GRIA4: variants seen among roughly 807,000 people sequenced by gnomAD.
GRIA4 encodes glutamate ionotropic receptor AMPA type subunit 4, also known as glutamate receptor 4.
A neutral mutation model predicts 104.0 loss-of-function variants in GRIA4; 34 were observed. The observed-to-expected ratio is 0.33, with a 90% CI of 0.25 to 0.44. GRIA4 has a LOEUF of 0.44. Among genes scored for constraint, GRIA4 ranks in the 20% least tolerant of loss-of-function variants. The pLI, the probability that GRIA4 is intolerant of heterozygous loss-of-function variation, is 1.00. For missense variants in GRIA4, 750 were observed against 1,096.5 expected (o/e 0.68, Z 4.46); for synonymous variants, 386 against 381.9 (o/e 1.01, Z -0.13).
chr11:105,958,258 T>C (rs1948641749), intron 14 of GRIA4, among the ~76,000 whole-genome samples: 1 of 152,198 alleles, frequency 6.6e-6, no homozygotes, highest in Admixed American at 6.5e-5. Context: ...TTGTCATAAA[T>C]AGCTCTTATT....
chr11:105,979,507 A>G (rs1171952454), intron 16 of GRIA4, 68 bp from the exon 17 acceptor site: 2 of 1,344,832 alleles, frequency 1.5e-6, no homozygotes, highest in African/African-American at 2.9e-5. Context: ...GTTGTGGAAC[A>G]TATTGTTGAA....
At chr11:105,640,531 C>T (rs1416871959) in intron 3 of GRIA4, among the ~76,000 whole-genome samples, 2 of 151,786 alleles carry the variant, frequency 1.3e-5, no homozygotes, top group Admixed American at 1.3e-4. Flanking sequence ...TAGGCATTTT[C>T]CCATTGGATA....
At chr11:105,822,981 C>A (rs1943632501) in intron 4 of GRIA4, among the ~76,000 whole-genome samples, 1 of 152,006 alleles carries the variant, frequency 6.6e-6, no homozygotes, top group Non-Finnish European at 1.5e-5. Context: ...GTACTGAGTT[C>A]TTTTCAGTAT....
At chr11:105,704,584 G>T (rs1415432302) in intron 3 of GRIA4, among the ~76,000 whole-genome samples, 1 of 152,050 alleles carries the variant, frequency 6.6e-6, no homozygotes, top group South Asian at 2.1e-4. Flanking sequence ...GGACAAATTT[G>T]CATTTTTAAA....
chr11:105,835,287 T>C (rs1364341050), intron 4 of GRIA4, among the ~76,000 whole-genome samples: 1 of 152,038 alleles, frequency 6.6e-6, no homozygotes, highest in African/African-American at 2.4e-5. Flanking sequence ...ATTTGACTTA[T>C]ACGTGAGTGG....
rs1292794911 is a variant in GRIA4, at chr11:105,926,759, T to C, written c.1866T>C (p.Ile622=). The C allele has an allele frequency of 6.2e-7, 1 of 1,605,576 alleles. No homozygotes were observed. The highest frequency in any genetic ancestry group is 8.5e-7 in the Non-Finnish European group (1 of 1,172,570). ...DISPRSLSGR[I]VGGVWWFFTL... ...TGTTTAGATCCCTCTCAGGTCGAAT[T>C]GTTGGAGGTGTTTGGTGGTTCTTTA... is the stretch of plus-strand genomic sequence containing the variant. The change falls in exon 13 of 17, where the codon ATT becomes ATC. Residue 622 remains isoleucine (I), a synonymous_variant. Transcript: ENST00000282499.
Position 105,979,638 on chromosome 11 carries a change from A to G in GRIA4, c.2608A>G (p.Asn870Asp), listed in dbSNP as rs1433470146. 4 of 1,613,900 alleles carry G rather than the reference A, an allele frequency of 2.5e-6. No individual in the cohort carries two copies. The highest frequency in any genetic ancestry group is 3.4e-6 in the Non-Finnish European group (4 of 1,179,748). Residue 870 changes from asparagine (N) to aspartate (D), a missense_variant, in exon 17 of 17, where the codon AAT (asparagine) becomes GAT (aspartate). Asn to Asp is a conservative substitution (Grantham distance 23). Around this residue, in one of 3 missense-constraint regions of GRIA4, gnomAD observed 68 missense variants for 69.3 expected, o/e 0.98. Transcript: ENST00000282499. ...ATCCATCACTGGGAGTGTGGGAGAG[A>G]ATGGCCGCGTCTTGACGCCTGACTG... is the stretch of plus-strand genomic sequence containing the variant. ...RLSITGSVGENGRVLTPDCPK... is the reference protein window; with the variant it reads ...RLSITGSVGEDGRVLTPDCPK...
At position 105,956,429 on chromosome 11, in the gene GRIA4, G is replaced by C. The variant is rs1006934978; in HGVS notation, c.2295-15485G>C. On this transcript the variant is annotated intron_variant, in intron 14 of 16. Coordinates refer to ENST00000282499, the MANE Select transcript of GRIA4 (RefSeq NM_000829.4). ...CAGCTTCATCCATGTCCCTGAAAAG[G>C]ACATGAACTCATCCTTTTTATGGCT... Among the ~76,000 whole-genome samples, 3 of 152,110 alleles carry C rather than the reference G, an allele frequency of 2.0e-5. No individual in the cohort carries two copies. The East Asian group carries it at 5.8e-4, about 29-fold the overall frequency.
intron 4 of GRIA4, chr11:105,843,055 C>CCAAGGA (rs1176392397): frequency 2.0e-5 from 3 of 152,174 alleles, no homozygotes; most frequent in Non-Finnish European, 2.9e-5. Context: ...CCTGAATTCC[C>CCAAGGA]CAAGGACAAG....
At chr11:105,813,034 C>T (rs1943239470) in intron 4 of GRIA4, among the ~76,000 whole-genome samples, 1 of 134,280 alleles carries the variant, frequency 7.4e-6, no homozygotes, top group South Asian at 2.3e-4. Flanking sequence ...GCGGAGCTTG[C>T]AGTGAGCCAA....
At chr11:105,617,838 G>A (rs184719029) in intron 3 of GRIA4, among the ~76,000 whole-genome samples, 19 of 152,184 alleles carry the variant, frequency 1.2e-4, no homozygotes, top group Middle Eastern at 3.4e-3. Context: ...GTGGGAAAGA[G>A]AGACAAGTCA....
chr11:105,828,105 A>G lies in GRIA4; in HGVS notation c.488-33919A>G, dbSNP rs1404698283. 2.6e-5 allele frequency among the ~76,000 whole-genome samples: 4 copies of G among 152,038 alleles called. No individual in the cohort carries two copies. The East Asian group carries it at 7.8e-4, about 29-fold the overall frequency. On this transcript the variant is annotated intron_variant, in intron 4 of 16. Transcript: ENST00000282499. ...CACAAGATCTTATTCCAATCTGACA[A>G]TTGACATCACAATGTGAATTAAATC...
chr11:105,926,604 T>C (rs1488023778), intron 12 of GRIA4, 137 bp from the exon 13 acceptor site: 1 of 636,276 alleles, frequency 1.6e-6, no homozygotes, highest in Non-Finnish European at 2.8e-6. Flanking sequence ...AGAATCATTC[T>C]TGAGCAGACT....
intron 3 of GRIA4, among the ~76,000 whole-genome samples, chr11:105,636,176 T>C (rs1322187326): frequency 1.3e-5 from 2 of 152,232 alleles, no homozygotes; most frequent in African/African-American, 2.4e-5. Flanking sequence ...TCAGTTCAGT[T>C]CTTATTAGAT....
Position 105,971,908 on chromosome 11 carries a change from G to C in GRIA4, c.2295-6G>C. ...TAATGTTATTTATGTTATTTTCCACGTGAAGAACTCCTGTAAACCTTGCCG... is the reference window on the plus strand; with the variant it reads ...TAATGTTATTTATGTTATTTTCCACCTGAAGAACTCCTGTAAACCTTGCCG... On this transcript the variant is annotated splice_polypyrimidine_tract_variant and splice_region_variant and intron_variant, in intron 14 of 16. Coordinates refer to ENST00000282499, the MANE Select transcript of GRIA4 (RefSeq NM_000829.4). 1 of 1,533,770 alleles carries C rather than the reference G, an allele frequency of 6.5e-7. No individual in the cohort carries two copies. The highest frequency in any genetic ancestry group is 1.4e-5 in the African/African-American group (1 of 73,358).
intron 13 of GRIA4, among the ~76,000 whole-genome samples, chr11:105,928,397 AAT>A (rs1326135975): frequency 2.0e-5 from 3 of 152,022 alleles, no homozygotes. Context: ...TTTGATTAAC[AAT>A]AGTCTATGGA....
chr11:105,695,384 G>A (rs916634646), intron 3 of GRIA4, among the ~76,000 whole-genome samples: 1 of 152,034 alleles, frequency 6.6e-6, no homozygotes, highest in Non-Finnish European at 1.5e-5. Flanking sequence ...TGGGCCTTCT[G>A]TCCTTGTCTT....
chr11:105,790,837 A>C (rs1942184148), intron 4 of GRIA4, among the ~76,000 whole-genome samples: 1 of 152,200 alleles, frequency 6.6e-6, no homozygotes, highest in African/African-American at 2.4e-5. Flanking sequence ...ATAATGGATC[A>C]TTATATGTGG....
chr11:105,616,403 G>T (rs755100905), intron 3 of GRIA4, among the ~76,000 whole-genome samples: 6 of 151,564 alleles, frequency 4.0e-5, no homozygotes, highest in Admixed American at 3.9e-4. Context: ...ACTTTACAAA[G>T]TACTTGTAAA....
Sources: gnomAD v4.1 joint callset for allele counts (sites outside exome capture counted in the v4.1 genomes callset) on GRCh38, gnomAD v4.1.1 for gene constraint, gnomAD v4.1.1 regional missense constraint, MANE v1.5 for transcripts, NCBI Gene and HGNC (gene_info 2026-07-23, HGNC 2026-07-21) for gene names.